AKAP6: variants seen among roughly 807,000 people sequenced by gnomAD.
AKAP6 encodes A-kinase anchor protein 6.
AKAP6 carries 58 observed loss-of-function variants against 188.5 expected under a neutral mutation model. The ratio of observed to expected loss-of-function variants is 0.31; its 90% CI spans 0.25 to 0.38. The LOEUF is 0.38. AKAP6 is among the 10% of genes least tolerant of loss of function. The probability of loss-of-function intolerance (pLI) is 1.00; values close to 1 mark genes in which losing one functional copy is unlikely to be tolerated. For missense variants in AKAP6, 2,710 were observed against 2,740.0 expected, an observed-to-expected ratio of 0.99 and a Z score of 0.24; for synonymous variants, 989 against 998.6, an observed-to-expected ratio of 0.99 and a Z score of 0.18.
intron 5 of AKAP6, among the ~76,000 whole-genome samples, chr14:32,585,171 A>G (rs1394435046): frequency 6.6e-6 from 1 of 152,140 alleles, no homozygotes; most frequent in Non-Finnish European, 1.5e-5. Flanking sequence ...TGATTTCCCA[A>G]GTTGTTATGC....
rs775555827 is a variant in AKAP6 at position 32,831,016 on chromosome 14, G to A, written c.*1211G>A. 25 of 152,210 alleles carry A rather than the reference G, an allele frequency of 1.6e-4. No individual in the cohort carries two copies. Among genetic ancestry groups the A allele is most frequent in the Admixed American group, 8.5e-4 (13 of 15,288 alleles). 9.4% of individuals were successfully genotyped at this position (152,210 alleles called of 1,614,324 possible). A position where few individuals can be genotyped will look rare whatever the true frequency, so the allele number is the denominator to read the frequency against. On this transcript the variant is annotated 3_prime_UTR_variant, in exon 14 of 14. Transcript: ENST00000280979. ...ATCTTGGAACAGCAAATGATTAAATGTCAGTTCCCCTAAACCAATAAACAT... is the reference window on the plus strand; with the variant it reads ...ATCTTGGAACAGCAAATGATTAAATATCAGTTCCCCTAAACCAATAAACAT...
intron 9 of AKAP6, among the ~76,000 whole-genome samples, chr14:32,705,274 T>TG (rs1169891585): frequency 2.0e-5 from 3 of 152,092 alleles, no homozygotes; most frequent in African/African-American, 7.2e-5. Flanking sequence ...AGATATTCTG[T>TG]GGGGAAGGCG....
At chr14:32,678,190 C>A in intron 7 of AKAP6, 121 bp from the exon 8 acceptor site, 1 of 1,019,172 alleles carries the variant, frequency 9.8e-7, no homozygotes. Context: ...CCCATTAAAT[C>A]CAACTCGAAA....
chr14:32,779,588 TTAATGA>T (rs1445183560), intron 12 of AKAP6, among the ~76,000 whole-genome samples: 1 of 152,128 alleles, frequency 6.6e-6, no homozygotes, highest in African/African-American at 2.4e-5. Flanking sequence ...AAGCTCATTC[TTAATGA>T]TAAAGATGCC....
intron 1 of AKAP6, among the ~76,000 whole-genome samples, chr14:32,392,657 T>G (rs1888749589): frequency 6.6e-6 from 1 of 152,134 alleles, no homozygotes; most frequent in South Asian, 2.1e-4. Flanking sequence ...AAGATGACCC[T>G]AGAGCATCTT....
intron 2 of AKAP6, among the ~76,000 whole-genome samples, chr14:32,447,288 T>G (rs1228347942): frequency 6.6e-6 from 1 of 152,250 alleles, no homozygotes; most frequent in Non-Finnish European, 1.5e-5. Context: ...AAGAGCTTTT[T>G]AAGGGCAGTT....
intron 2 of AKAP6, among the ~76,000 whole-genome samples, chr14:32,489,093 A>G (rs1879859641): frequency 6.6e-6 from 1 of 152,214 alleles, no homozygotes; most frequent in African/African-American, 2.4e-5. Flanking sequence ...TTAGAGATGA[A>G]TTTAGGTAGA....
chr14:32,553,701 T>A (rs1204563542), intron 4 of AKAP6, among the ~76,000 whole-genome samples: 4 of 152,198 alleles, frequency 2.6e-5, no homozygotes, highest in African/African-American at 9.6e-5. Context: ...GCAATATTTT[T>A]AAAACTGGGG....
chr14:32,613,169 C>T (rs1421743917), intron 7 of AKAP6, among the ~76,000 whole-genome samples: 1 of 152,152 alleles, frequency 6.6e-6, no homozygotes, highest in East Asian at 1.9e-4. Flanking sequence ...CACAGTCTCT[C>T]TGTTTTATAC....
chr14:32,366,111 A>C (rs72666165), intron 1 of AKAP6, among the ~76,000 whole-genome samples: 5,310 of 151,284 alleles, frequency 0.035, 137 homozygotes, highest in South Asian at 0.11. Flanking sequence ...CATTGTCCCT[A>C]CCCTCCCCCC....
intron 1 of AKAP6, among the ~76,000 whole-genome samples, chr14:32,394,736 C>G (rs1272508812): frequency 6.6e-6 from 1 of 152,036 alleles, no homozygotes; most frequent in African/African-American, 2.4e-5. Context: ...CTTTCCTAGT[C>G]AGCAAAAACA....
rs1397371901 is a variant in AKAP6 at position 32,621,719 on chromosome 14, T to C, written c.2730+20927T>C. The stretch of plus-strand genomic sequence containing the variant: ...TCTGGTGCAGTTTAAGTCTAGTGTC[T>C]TTCTGTTGACTTTCTCCCTTAATGA... On this transcript the variant is annotated intron_variant, in intron 7 of 13. Transcript: ENST00000280979. 3.9e-5 allele frequency among the ~76,000 whole-genome samples: 6 copies of C among 152,250 alleles called. No individual in the cohort carries two copies. The East Asian group carries it at 1.2e-3, about 29-fold the overall frequency.
At chr14:32,504,101 T>C (rs1463955911) in intron 2 of AKAP6, among the ~76,000 whole-genome samples, 1 of 152,026 alleles carries the variant, frequency 6.6e-6, no homozygotes, top group East Asian at 1.9e-4. Context: ...TAAAAAATTA[T>C]TCCATAGTAC....
At chr14:32,344,979 C>T (rs186120990) in intron 1 of AKAP6, among the ~76,000 whole-genome samples, 17 of 148,280 alleles carry the variant, frequency 1.1e-4, no homozygotes, top group Admixed American at 2.0e-4. Flanking sequence ...ATAGAGAGTA[C>T]GTGTTTAGGA....
In AKAP6 at chr14:32,632,727, C is replaced by A. The variant is rs982026117; in HGVS notation, c.2730+31935C>A. Among the ~76,000 whole-genome samples the A allele has an allele frequency of 2.0e-5, 3 of 151,942 alleles. No homozygotes were observed. The South Asian group carries it at 6.2e-4, about 31-fold the overall frequency. On this transcript the variant is annotated intron_variant, in intron 7 of 13. Transcript: ENST00000280979. ...GACGAGCAGGGGCAAGAGACTGGGA[C>A]AGGAAAAACCAATCAGAGAGCATAA...
intron 2 of AKAP6, among the ~76,000 whole-genome samples, chr14:32,516,046 C>G (rs933340995): frequency 6.6e-6 from 1 of 152,166 alleles, no homozygotes; most frequent in African/African-American, 2.4e-5. Flanking sequence ...ACCCTGTGAC[C>G]TACAGTAGTT....
At chr14:32,350,766 TAAATAAA>T (rs1168541208) in intron 1 of AKAP6, among the ~76,000 whole-genome samples, 1 of 151,962 alleles carries the variant, frequency 6.6e-6, no homozygotes, top group African/African-American at 2.4e-5. Flanking sequence ...AATGAATAAG[TAAATAAA>T]TATATATATG....
Position 32,510,449 on chromosome 14 carries a change from T to TAC in AKAP6, c.325-25103_325-25102dup, listed in dbSNP as rs1555335172. On this transcript the variant is annotated intron_variant, in intron 2 of 13. Transcript: ENST00000280979. ...ACATATATATATGTGTATATATATATACATATATATGTGTATATATATATA... is the reference window on the plus strand; with the variant it reads ...ACATATATATATGTGTATATATATATACACATATATATGTGTATATATATATA... Among the ~76,000 whole-genome samples, 143 of 21,412 alleles carry TAC rather than the reference T, an allele frequency of 6.7e-3. 6 individuals carry two copies. Among genetic ancestry groups the TAC allele is most frequent in the African/African-American group, 0.026 (115 of 4,502 alleles). The allele number at this position is 21,412 out of a possible 152,430, so 14.0% of individuals were successfully genotyped here.
At chr14:32,563,190 G>C (rs1314828803) in intron 4 of AKAP6, among the ~76,000 whole-genome samples, 3 of 152,158 alleles carry the variant, frequency 2.0e-5, no homozygotes, top group Non-Finnish European at 4.4e-5. Flanking sequence ...GCATTCTTTG[G>C]TGCTGGATGG....
Sources: allele counts gnomAD v4.1 joint callset (sites outside exome capture counted in the v4.1 genomes callset), GRCh38; gene constraint gnomAD v4.1.1; transcripts MANE v1.5; gene names NCBI Gene and HGNC (gene_info 2026-07-23, HGNC 2026-07-21).